The following CASK variants were observed in gnomAD, a reference collection of about 807,000 sequenced individuals.
CASK encodes the protein calcium/calmodulin dependent serine protein kinase.
In CASK, 4 loss-of-function variants were observed where a neutral mutation model predicts 82.9. The observed-to-expected ratio is 0.05, with a 90% CI of 0.02 to 0.11. CASK has a LOEUF of 0.11. Ranked by LOEUF, CASK falls within the 10% of genes least tolerant of loss-of-function variation. CASK has a pLI of 1.00. For missense variants in CASK, 358 were observed against 720.9 expected (o/e 0.50, Z 5.76); for synonymous variants, 259 against 253.5 (o/e 1.02, Z -0.20).
chrX:41,898,546 T>C (rs1341300251), intron 1 of CASK, among the ~76,000 whole-genome samples: 1 of 111,912 alleles, frequency 8.9e-6, no homozygotes, highest in Non-Finnish European at 1.9e-5. Flanking sequence ...TTGAGATCTT[T>C]CTTTTTTCTT....
intron 1 of CASK, among the ~76,000 whole-genome samples, chrX:41,905,483 T>C (rs2072455035): frequency 8.8e-6 from 1 of 113,086 alleles, no homozygotes; most frequent in South Asian, 3.6e-4. Context: ...AATGACTTGA[T>C]GTTGAGCACC....
intron 5 of CASK, among the ~76,000 whole-genome samples, chrX:41,701,250 T>C (rs184513666): frequency 1.8e-5 from 2 of 111,952 alleles, no homozygotes; most frequent in East Asian, 5.6e-4. Flanking sequence ...AAATGACTAG[T>C]TCATCTGTAG....
At chrX:41,524,602 C>T (rs182149694) in intron 25 of CASK, 5 of 121,147 alleles carry the variant, frequency 4.1e-5, no homozygotes, top group Admixed American at 2.5e-4. Flanking sequence ...TTAGTCCTGT[C>T]GCTAAAGACA....
chrX:41,812,619 C>T (rs1306951981), intron 2 of CASK, among the ~76,000 whole-genome samples: 13 of 111,398 alleles, frequency 1.2e-4, no homozygotes, highest in Non-Finnish European at 2.1e-4. Context: ...CTATGACAAA[C>T]CCACAGCCAA....
chrX:41,591,748 T>TA (rs2065748568), intron 12 of CASK, among the ~76,000 whole-genome samples: 1 of 110,425 alleles, frequency 9.1e-6, no homozygotes, highest in African/African-American at 3.3e-5. Context: ...GCGCTGGAAT[T>TA]ACAGGCGTGA....
rs1260410512 is a variant in CASK, at chrX:41,516,849, C to T, written c.*3571G>A. 3 of 109,661 alleles carry T rather than the reference C, an allele frequency of 2.7e-5. No homozygotes were observed. Among genetic ancestry groups the T allele is most frequent in the Non-Finnish European group, 5.7e-5 (3 of 52,667 alleles). 9.0% of individuals were successfully genotyped at this position (109,661 alleles called of 1,213,427 possible). ...ATTCTCTTTGCCCCAAGTTAAGAAA[C>T]TGGCCTGAAATGAAAAAAAAAAAGG... is the stretch of plus-strand genomic sequence containing the variant. On this transcript the variant is annotated 3_prime_UTR_variant, in exon 27 of 27. Coordinates refer to ENST00000378163, the MANE Select transcript of CASK (RefSeq NM_001367721.1).
In CASK at chrX:41,607,983, A is replaced by C. The variant is rs149431505; in HGVS notation, c.1155+1921T>G. ...TTATAACAGTTAGTCAGCCCTAATTAATATGTACACTATATACAAAGGCCA... is the reference window on the plus strand; with the variant it reads ...TTATAACAGTTAGTCAGCCCTAATTCATATGTACACTATATACAAAGGCCA... On this transcript the variant is annotated intron_variant, in intron 12 of 26. Transcript: ENST00000378163. Among the ~76,000 whole-genome samples the C allele has an allele frequency of 3.5e-4, 39 of 112,533 alleles. No individual in the cohort carries two copies. In the East Asian group the frequency reaches 1.0e-2, roughly 29 times the overall value.
At chrX:41,671,070 G>C (rs1234841513) in intron 6 of CASK, among the ~76,000 whole-genome samples, 1 of 111,723 alleles carries the variant, frequency 9.0e-6, no homozygotes, top group Non-Finnish European at 1.9e-5. Flanking sequence ...TTAGCCATCA[G>C]TGTAAACCAG....
rs188589925 is a variant in CASK at position 41,540,130 on chromosome X, A to G, written c.2155+2561T>C. Reference sequence around the variant, plus strand: ...CACTGACATGTAGAACAACCCCTTAAGCATGGCAAGGAAGGTTCTGATGCC... The same window carrying G: ...CACTGACATGTAGAACAACCCCTTAGGCATGGCAAGGAAGGTTCTGATGCC... On this transcript the variant is annotated intron_variant, in intron 22 of 26. Transcript: ENST00000378163. Among the ~76,000 whole-genome samples, 9 of 111,956 alleles carry G rather than the reference A, an allele frequency of 8.0e-5. No individual in the cohort carries two copies. In the Admixed American group the frequency reaches 8.5e-4, roughly 11 times the overall value.
At chrX:41,814,991 C>CA (rs1443102259) in intron 2 of CASK, among the ~76,000 whole-genome samples, 2 of 111,029 alleles carry the variant, frequency 1.8e-5, no homozygotes, top group East Asian at 5.6e-4. Context: ...CAGTATGCAG[C>CA]ACAGGGAGGG....
At chrX:41,773,907 T>C (rs1401063024) in intron 3 of CASK, among the ~76,000 whole-genome samples, 3 of 111,849 alleles carry the variant, frequency 2.7e-5, no homozygotes, top group Non-Finnish European at 5.6e-5. Flanking sequence ...GGACATTACT[T>C]TCTACTATTG....
At chrX:41,830,627 T>C (rs1388980933) in intron 2 of CASK, among the ~76,000 whole-genome samples, 1 of 107,568 alleles carries the variant, frequency 9.3e-6, no homozygotes, top group Non-Finnish European at 1.9e-5. Context: ...GAGACCATCC[T>C]GGCTAACTCG....
intron 5 of CASK, among the ~76,000 whole-genome samples, chrX:41,738,963 A>G (rs765546756): frequency 3.6e-5 from 4 of 112,471 alleles, no homozygotes; most frequent in Non-Finnish European, 5.6e-5. Context: ...TTTAAAAACT[A>G]TCTGCAAAAA....
At chrX:41,676,784 T>C (rs2067273944) in intron 5 of CASK, among the ~76,000 whole-genome samples, 1 of 112,668 alleles carries the variant, frequency 8.9e-6, no homozygotes, top group African/African-American at 3.2e-5. Context: ...GAGAAGATGG[T>C]GACTTGGACT....
chrX:41,579,318 T>C (rs971632765), intron 14 of CASK, among the ~76,000 whole-genome samples: 1 of 112,272 alleles, frequency 8.9e-6, no homozygotes, highest in African/African-American at 3.2e-5. Context: ...ATATGTTAAA[T>C]TTTTTTGTTC....
intron 8 of CASK, among the ~76,000 whole-genome samples, chrX:41,658,330 C>T (rs1239422109): frequency 8.9e-6 from 1 of 112,195 alleles, no homozygotes; most frequent in African/African-American, 3.2e-5. Flanking sequence ...TTTCAGCGGC[C>T]TGGACTTATG....
At chrX:41,830,637 G>C (rs1463030840) in intron 2 of CASK, among the ~76,000 whole-genome samples, 5 of 107,264 alleles carry the variant, frequency 4.7e-5, no homozygotes, top group African/African-American at 1.7e-4. Context: ...TGGCTAACTC[G>C]GTGAAACCCC....
intron 2 of CASK, among the ~76,000 whole-genome samples, chrX:41,807,970 C>T (rs1227031799): frequency 9.0e-6 from 1 of 111,611 alleles, no homozygotes; most frequent in Non-Finnish European, 1.9e-5. Flanking sequence ...ATTCTCCTGC[C>T]TCAGCCTCCC....
At chrX:41,787,466 T>C (rs1197014183) in intron 2 of CASK, among the ~76,000 whole-genome samples, 183 bp from the exon 3 acceptor site, 2 of 110,229 alleles carry the variant, frequency 1.8e-5, no homozygotes, top group Non-Finnish European at 3.8e-5. Flanking sequence ...GCTTTTCATA[T>C]TTTTTGCAAG....
Sources: gnomAD v4.1 joint callset for allele counts (sites outside exome capture counted in the v4.1 genomes callset) on GRCh38, gnomAD v4.1.1 for gene constraint, MANE v1.5 for transcripts, NCBI Gene and HGNC (gene_info 2026-07-23, HGNC 2026-07-21) for gene names.